The following CAPZA2 variants were observed in gnomAD, a reference collection of about 807,000 sequenced individuals.
CAPZA2 encodes the protein capping actin protein of muscle Z-line subunit alpha 2.
Under a neutral mutation model 44.0 loss-of-function variants are expected in CAPZA2, and 13 were observed. That is an observed-to-expected ratio of 0.30 (90% CI 0.19 to 0.47). The LOEUF is 0.47. Ranked by LOEUF, CAPZA2 falls within the 20% of genes least tolerant of loss-of-function variation. CAPZA2 has a pLI of 1.00. For missense variants in CAPZA2, 244 were observed against 338.6 expected (o/e 0.72, Z 2.19); for synonymous variants, 94 against 108.2 (o/e 0.87, Z 0.81).
chr7:116,911,197 A>G (rs1791590941), intron 7 of CAPZA2, among the ~76,000 whole-genome samples: 1 of 152,152 alleles, frequency 6.6e-6, no homozygotes, highest in Admixed American at 6.5e-5. Context: ...ACCAAAGCTT[A>G]TTGAGAGCAA....
chr7:116,891,589 G>A (rs1796847246), intron 2 of CAPZA2, among the ~76,000 whole-genome samples: 1 of 152,184 alleles, frequency 6.6e-6, no homozygotes, highest in African/African-American at 2.4e-5. Flanking sequence ...TCGGCTCACT[G>A]CAAGCTCCGC....
chr7:116,881,585 A>G (rs900581482), intron 1 of CAPZA2, among the ~76,000 whole-genome samples: 1 of 151,740 alleles, frequency 6.6e-6, no homozygotes, highest in African/African-American at 2.4e-5. Context: ...TAAAAATACA[A>G]AAAATTAGCC....
chr7:116,889,971 G>A (rs2115923360), intron 2 of CAPZA2, among the ~76,000 whole-genome samples: 1 of 152,212 alleles, frequency 6.6e-6, no homozygotes, highest in South Asian at 2.1e-4. Flanking sequence ...TTGATGGTTG[G>A]GGGATTAAAG....
At chr7:116,872,899 C>G (rs1796570271) in intron 1 of CAPZA2, among the ~76,000 whole-genome samples, 1 of 152,186 alleles carries the variant, frequency 6.6e-6, no homozygotes, top group Non-Finnish European at 1.5e-5. Context: ...GGTGCAATAT[C>G]TGGTCACCTT....
At position 116,918,878 on chromosome 7, in the gene CAPZA2, A is replaced by T. The variant is rs759717075; in HGVS notation, c.*1011A>T. Reference sequence around the variant, plus strand: ...ACAGTCTAAATTTTTTCATCCTCCTATGCATCATAAGCATGTTTGTAATAT... The same window carrying T: ...ACAGTCTAAATTTTTTCATCCTCCTTTGCATCATAAGCATGTTTGTAATAT... On this transcript the variant is annotated 3_prime_UTR_variant, in exon 10 of 10. Transcript: ENST00000361183. 3.9e-5 allele frequency: 6 copies of T among 152,140 alleles called. No individual in the cohort carries two copies. The highest frequency in any genetic ancestry group is 1.4e-4 in the African/African-American group (6 of 41,426). 9.4% of individuals were successfully genotyped at this position (152,140 alleles called of 1,614,324 possible).
chr7:116,918,119 A>G lies in CAPZA2; in HGVS notation c.*252A>G. Reference sequence around the variant, plus strand: ...GGCCTTTCTTTCTTACAATGAAGAGATGATTCTTCTAGTTTATGGTTAAAA... The same window carrying G: ...GGCCTTTCTTTCTTACAATGAAGAGGTGATTCTTCTAGTTTATGGTTAAAA... On this transcript the variant is annotated 3_prime_UTR_variant, in exon 10 of 10. Transcript: ENST00000361183. The G allele has an allele frequency of 3.0e-6, 1 of 332,526 alleles. No homozygotes were observed. The highest frequency in any genetic ancestry group is 5.6e-6 in the Non-Finnish European group (1 of 178,826). 20.6% of individuals were successfully genotyped at this position (332,526 alleles called of 1,614,324 possible). A position where few individuals can be genotyped will look rare whatever the true frequency, so the allele number is the denominator to read the frequency against.
chr7:116,910,455 G>A (rs902892736), intron 7 of CAPZA2, 144 bp downstream of exon 7: 3 of 586,448 alleles, frequency 5.1e-6, no homozygotes, highest in Admixed American at 3.0e-5. Context: ...CAATAGTGCT[G>A]TTTTAAATCT....
chr7:116,914,222 G>T (rs1168183401), intron 8 of CAPZA2, among the ~76,000 whole-genome samples: 5 of 151,256 alleles, frequency 3.3e-5, no homozygotes, highest in Admixed American at 1.3e-4. Flanking sequence ...GTAGAGACGG[G>T]GTTTCACCGT....
intron 2 of CAPZA2, among the ~76,000 whole-genome samples, chr7:116,889,892 T>C (rs1796809579): frequency 6.6e-6 from 1 of 152,220 alleles, no homozygotes; most frequent in Admixed American, 6.5e-5. Context: ...AGAAGTACTT[T>C]TACTTCGTGT....
intron 1 of CAPZA2, among the ~76,000 whole-genome samples, chr7:116,881,738 CAAAAAAAAAAAAA>C (rs71148338): frequency 2.1e-5 from 1 of 47,784 alleles, no homozygotes; most frequent in Admixed American, 2.5e-4. Flanking sequence ...GACTCTGTCT[CAAAAAAAAAAAAA>C]AAAAAAAAAA....
chr7:116,893,528 A>AT (rs1340664451), intron 3 of CAPZA2, among the ~76,000 whole-genome samples: 2 of 152,198 alleles, frequency 1.3e-5, no homozygotes, highest in Non-Finnish European at 1.5e-5. Context: ...GGAGAAAAAT[A>AT]TTTTTTATCA....
At chr7:116,886,520 C>G (rs1796763714) in intron 1 of CAPZA2, among the ~76,000 whole-genome samples, 1 of 152,132 alleles carries the variant, frequency 6.6e-6, no homozygotes, top group Non-Finnish European at 1.5e-5. Context: ...CCTTTTCTTT[C>G]CATTATTTTT....
chr7:116,892,942 C>A, intron 2 of CAPZA2, 52 bp from the exon 3 acceptor site: 3 of 1,317,400 alleles, frequency 2.3e-6, no homozygotes, highest in South Asian at 1.3e-5. Context: ...GCGTTCATTA[C>A]ATTCTTGAAA....
intron 1 of CAPZA2, among the ~76,000 whole-genome samples, chr7:116,877,711 G>T (rs1796639983): frequency 6.6e-6 from 1 of 152,214 alleles, no homozygotes; most frequent in Non-Finnish European, 1.5e-5. Flanking sequence ...AGCTTTTGCT[G>T]TTAACAGTTA....
chr7:116,915,275 CCTGTGCTACAGG>C, intron 8 of CAPZA2, among the ~76,000 whole-genome samples: 1 of 151,944 alleles, frequency 6.6e-6, no homozygotes, highest in African/African-American at 2.4e-5. Context: ...TGCACTCCAG[CCTGTGCTACAGG>C]CTGAGACCCT....
chr7:116,880,943 A>G (rs1251987662), intron 1 of CAPZA2, among the ~76,000 whole-genome samples: 1 of 151,516 alleles, frequency 6.6e-6, no homozygotes, highest in Non-Finnish European at 1.5e-5. Flanking sequence ...CCCTGAGTTC[A>G]GGCAATCTGC....
intron 1 of CAPZA2, among the ~76,000 whole-genome samples, chr7:116,867,488 A>G (rs1775872245): frequency 1.3e-5 from 2 of 152,148 alleles, no homozygotes; most frequent in Admixed American, 6.5e-5. Context: ...ATTTTAACCT[A>G]AATAGTTCTG....
chr7:116,876,417 C>T (rs1295556511), intron 1 of CAPZA2: 3 of 152,178 alleles, frequency 2.0e-5, no homozygotes, highest in Admixed American at 2.0e-4. Flanking sequence ...ATGTCAACCA[C>T]TTCTCTCCTC....
chr7:116,916,953 T>G (rs1791688082), intron 9 of CAPZA2, among the ~76,000 whole-genome samples: 1 of 152,184 alleles, frequency 6.6e-6, no homozygotes, highest in South Asian at 2.1e-4. Context: ...TGGTTGGAAA[T>G]TTTAATTCAG....
Sources: allele counts gnomAD v4.1 joint callset (sites outside exome capture counted in the v4.1 genomes callset), GRCh38; gene constraint gnomAD v4.1.1; transcripts MANE v1.5; gene names NCBI Gene and HGNC (gene_info 2026-07-23, HGNC 2026-07-21).